Variants in CA5B observed in about 807,000 individuals in gnomAD.
CA5B encodes carbonic anhydrase 5B, also known as carbonic anhydrase 5B, mitochondrial.
CA5B carries 15 observed loss-of-function variants against 23.1 expected under a neutral mutation model. That is an observed-to-expected ratio of 0.65 (90% CI 0.43 to 1.00). The LOEUF is 1.00. Among genes scored for constraint, CA5B ranks in the 50% least tolerant of loss-of-function variants. The pLI is 0.00. For missense variants in CA5B, 236 were observed against 252.2 expected, an observed-to-expected ratio of 0.94 and a Z score of 0.43; for synonymous variants, 84 against 98.5, an observed-to-expected ratio of 0.85 and a Z score of 0.87.
At chrX:15,745,283 G>T (rs1290115858) in intron 1 of CA5B, among the ~76,000 whole-genome samples, 4 of 111,835 alleles carry the variant, frequency 3.6e-5, no homozygotes, top group African/African-American at 1.3e-4. Context: ...CCACTTACGT[G>T]GGGTATCTAG....
At chrX:15,774,208 C>T in intron 4 of CA5B, 94 bp from the exon 5 acceptor site, 1 of 838,101 alleles carries the variant, frequency 1.2e-6, no homozygotes. Context: ...GGTGAGGAAA[C>T]ATGTTTAAAT....
intron 2 of CA5B, chrX:15,750,491 G>T: frequency 6.0e-6 from 1 of 167,296 alleles, no homozygotes; most frequent in Non-Finnish European, 1.1e-5. Context: ...ACAGATCCCG[G>T]TTTTTAATAT....
In CA5B at chrX:15,785,036, C is replaced by CA. The variant is rs1932089331; in HGVS notation, c.*2379dup. 2 of 111,542 alleles carry CA rather than the reference C, an allele frequency of 1.8e-5. No individual in the cohort carries two copies. The highest frequency in any genetic ancestry group is 9.6e-5 in the Admixed American group (1 of 10,457). The allele number at this position is 111,542 out of a possible 1,213,427, so 9.2% of individuals were successfully genotyped here. A position where few individuals can be genotyped will look rare whatever the true frequency, so the allele number is the denominator to read the frequency against. On this transcript the variant is annotated 3_prime_UTR_variant, in exon 8 of 8. Coordinates refer to ENST00000318636, the MANE Select transcript of CA5B (RefSeq NM_007220.4). ...ATCATGATGGCCACTATCAGAAGAACAAAAAAATAACAAGTATTGGGGAGG... is the reference window on the plus strand; with the variant it reads ...ATCATGATGGCCACTATCAGAAGAACAAAAAAAATAACAAGTATTGGGGAGG...
chrX:15,749,940 A>C, intron 1 of CA5B, 31 bp from the exon 2 acceptor site: 1 of 1,092,600 alleles, frequency 9.2e-7, no homozygotes, highest in Non-Finnish European at 1.2e-6. Context: ...TGTTGTTTAC[A>C]GCTTTCCCTC....
At chrX:15,753,715 C>G (rs769815638) in intron 2 of CA5B, among the ~76,000 whole-genome samples, 7 of 112,150 alleles carry the variant, frequency 6.2e-5, no homozygotes, top group Non-Finnish European at 1.3e-4. Flanking sequence ...TCGAGATCAG[C>G]CTGGCCAACA....
At chrX:15,755,156 A>AGAT (rs1483073133) in intron 2 of CA5B, among the ~76,000 whole-genome samples, 1 of 112,201 alleles carries the variant, frequency 8.9e-6, no homozygotes, top group African/African-American at 3.2e-5. Flanking sequence ...GGATGCCCCT[A>AGAT]GATTGTCTTT....
At chrX:15,773,630 C>T (rs945112110) in intron 4 of CA5B, among the ~76,000 whole-genome samples, 3 of 110,032 alleles carry the variant, frequency 2.7e-5, no homozygotes, top group Admixed American at 2.0e-4. Context: ...AGGATGGTCT[C>T]GATCTCCTGA....
chrX:15,763,862 G>A (rs1229247016), intron 2 of CA5B, among the ~76,000 whole-genome samples: 1 of 112,162 alleles, frequency 8.9e-6, no homozygotes, highest in African/African-American at 3.2e-5. Context: ...AGAGGTGCTG[G>A]TGTAAGTTCT....
chrX:15,762,268 TAA>T (rs773084641), intron 2 of CA5B, among the ~76,000 whole-genome samples: 2 of 95,973 alleles, frequency 2.1e-5, no homozygotes. Flanking sequence ...AGACTCCATC[TAA>T]AAAAAAAAAA....
intron 3 of CA5B, chrX:15,766,837 A>G (rs1250668793): frequency 3.3e-6 from 1 of 303,057 alleles, no homozygotes; most frequent in Non-Finnish European, 6.3e-6. Flanking sequence ...ACATGGATAT[A>G]TTGTGTAGCG....
chrX:15,745,168 C>CAA (rs371053756), intron 1 of CA5B, among the ~76,000 whole-genome samples: 2 of 34,313 alleles, frequency 5.8e-5, no homozygotes, highest in African/African-American at 1.1e-4. Flanking sequence ...GACTCTGTCT[C>CAA]AAAAAAAAAA....
intron 2 of CA5B, among the ~76,000 whole-genome samples, chrX:15,758,913 C>T (rs1354545660): frequency 8.9e-6 from 1 of 111,822 alleles, no homozygotes; most frequent in Non-Finnish European, 1.9e-5. Context: ...AGCTGGCTTA[C>T]AGAGCAGTGA....
At chrX:15,764,349 C>G (rs759286059) in intron 2 of CA5B, among the ~76,000 whole-genome samples, 2 of 109,890 alleles carry the variant, frequency 1.8e-5, no homozygotes, top group Non-Finnish European at 3.8e-5. Context: ...CTCAATCCTC[C>G]CACTTTAGCT....
intron 2 of CA5B, among the ~76,000 whole-genome samples, chrX:15,761,238 A>G (rs1931597928): frequency 9.0e-6 from 1 of 111,576 alleles, no homozygotes; most frequent in African/African-American, 3.3e-5. Flanking sequence ...GATTTGTTAC[A>G]TGGGTATATT....
chrX:15,742,445 C>T (rs1484746862), intron 1 of CA5B, among the ~76,000 whole-genome samples: 1 of 112,581 alleles, frequency 8.9e-6, no homozygotes, highest in Non-Finnish European at 1.9e-5. Context: ...GCAATCTCAG[C>T]TCACTACAAC....
intron 2 of CA5B, among the ~76,000 whole-genome samples, chrX:15,752,868 C>G (rs111849639): frequency 3.6e-5 from 4 of 111,762 alleles, no homozygotes; most frequent in African/African-American, 1.3e-4. Flanking sequence ...TTCAAAGGAA[C>G]TTTGATCTCC....
intron 2 of CA5B, among the ~76,000 whole-genome samples, chrX:15,752,991 C>T (rs1255393278): frequency 6.3e-5 from 7 of 111,397 alleles, no homozygotes; most frequent in Admixed American, 2.9e-4. Flanking sequence ...GTAGAAGCCC[C>T]CCCAACCCCC....
At chrX:15,748,741 T>TA (rs1491444358) in intron 1 of CA5B, among the ~76,000 whole-genome samples, 17 of 29,402 alleles carry the variant, frequency 5.8e-4, no homozygotes, top group African/African-American at 3.0e-3. Context: ...CCCCCATCTC[T>TA]AAAAAAAATA....
intron 2 of CA5B, among the ~76,000 whole-genome samples, chrX:15,761,663 C>A (rs1931605306): frequency 9.0e-6 from 1 of 111,061 alleles, no homozygotes; most frequent in South Asian, 3.8e-4. Context: ...ATCTTTAGAC[C>A]AGGGTTTATC....
Sources: allele counts gnomAD v4.1 joint callset (sites outside exome capture counted in the v4.1 genomes callset), GRCh38; gene constraint gnomAD v4.1.1; transcripts MANE v1.5; gene names NCBI Gene and HGNC (gene_info 2026-07-23, HGNC 2026-07-21).